The following LIMA1 variants were observed in gnomAD, a reference collection of about 807,000 sequenced individuals.
The protein encoded by LIMA1 is LIM domain and actin binding 1.
Under a neutral mutation model 62.6 loss-of-function variants are expected in LIMA1, and 52 were observed. The observed-to-expected ratio is 0.83, with a 90% CI of 0.67 to 1.05. The LOEUF is 1.05. LIMA1 is among the 50% of genes least tolerant of loss of function. The pLI is 0.00. For synonymous variants in LIMA1, 302 were observed against 317.8 expected, an observed-to-expected ratio of 0.95 and a Z score of 0.53; for missense variants, 780 against 902.2, an observed-to-expected ratio of 0.86 and a Z score of 1.74.
At chr12:50,248,850 T>TA in intron 1 of LIMA1, 76 bp from the exon 2 acceptor site, 2 of 776,332 alleles carry the variant, frequency 2.6e-6, no homozygotes, top group South Asian at 3.1e-5. Flanking sequence ...AGTGGTGTGG[T>TA]AGAGCCCTAA....
At chr12:50,281,880 T>C (rs1440197064) in intron 1 of LIMA1, among the ~76,000 whole-genome samples, 2 of 152,214 alleles carry the variant, frequency 1.3e-5, no homozygotes, top group African/African-American at 4.8e-5. Context: ...ACCTCTAGTA[T>C]AGAAATGACC....
At chr12:50,233,475 G>A (rs1189281303) in intron 2 of LIMA1, among the ~76,000 whole-genome samples, 1 of 152,170 alleles carries the variant, frequency 6.6e-6, no homozygotes, top group Non-Finnish European at 1.5e-5. Flanking sequence ...TTTAGTGTAA[G>A]TTATTGATAT....
intron 1 of LIMA1, among the ~76,000 whole-genome samples, chr12:50,254,330 T>C (rs1301468883): frequency 1.3e-5 from 2 of 152,204 alleles, no homozygotes; most frequent in African/African-American, 4.8e-5. Context: ...AGAAGGAAGA[T>C]GCCTTCAGTT....
intron 9 of LIMA1, among the ~76,000 whole-genome samples, chr12:50,192,169 C>T (rs894898902): frequency 7.3e-5 from 11 of 150,392 alleles, no homozygotes; most frequent in African/African-American, 2.4e-4. Context: ...AATAAATAAA[C>T]AAAAACAAAA....
At chr12:50,255,799 G>GT (rs892253718) in intron 1 of LIMA1, among the ~76,000 whole-genome samples, 8 of 151,294 alleles carry the variant, frequency 5.3e-5, no homozygotes, top group African/African-American at 1.9e-4. Context: ...GCTACATAAT[G>GT]TTTTTTCAGA....
At chr12:50,256,433 T>C (rs1941998486) in intron 1 of LIMA1, 1 of 152,210 alleles carries the variant, frequency 6.6e-6, no homozygotes, top group Admixed American at 6.5e-5. Context: ...CTTTATCTTA[T>C]ATTACCATAG....
At chr12:50,258,418 T>G (rs1942025011) in intron 1 of LIMA1, among the ~76,000 whole-genome samples, 1 of 151,932 alleles carries the variant, frequency 6.6e-6, no homozygotes, top group Non-Finnish European at 1.5e-5. Flanking sequence ...CACCTCAGCC[T>G]GCCAAGTAGC....
chr12:50,250,678 T>G (rs573251882), intron 1 of LIMA1, among the ~76,000 whole-genome samples: 1 of 152,204 alleles, frequency 6.6e-6, no homozygotes, highest in South Asian at 2.1e-4. Flanking sequence ...AATGAAATCC[T>G]TGTCGGAAAA....
At position 50,197,352 on chromosome 12, in the gene LIMA1, G is replaced by A. The variant is rs540984498; in HGVS notation, c.973-1465C>T. ...CCCAAAGTGCTAGGATTACAGGCGT[G>A]AGCCACCTCGCCAGGCACATGTCCT... is the stretch of plus-strand genomic sequence containing the variant. On this transcript the variant is annotated intron_variant, in intron 7 of 10. Coordinates refer to ENST00000341247, the MANE Select transcript of LIMA1 (RefSeq NM_016357.5). Among the ~76,000 whole-genome samples, 9 of 151,800 alleles carry A rather than the reference G, an allele frequency of 5.9e-5. No homozygotes were observed. In the South Asian group the frequency reaches 1.5e-3, roughly 25 times the overall value.
intron 9 of LIMA1, chr12:50,187,105 C>T (rs1323347462): frequency 6.6e-6 from 1 of 152,142 alleles, no homozygotes; most frequent in Non-Finnish European, 1.5e-5. Context: ...CTGTCTTTCC[C>T]GTTTGAGGGA....
chr12:50,222,486 C>G lies in LIMA1; in HGVS notation c.166-1G>C. The G allele has an allele frequency of 1.2e-6, 2 of 1,613,900 alleles. No homozygotes were observed. The highest frequency in any genetic ancestry group is 1.7e-6 in the Non-Finnish European group (2 of 1,179,920). On this transcript the variant is annotated splice_acceptor_variant, in intron 3 of 10. Coordinates refer to ENST00000341247, the MANE Select transcript of LIMA1 (RefSeq NM_016357.5). LOFTEE classifies it high-confidence loss of function. ...AGTGCTGGGAGAGATTTTCGGTGTT[C>G]TAGAAGAACAAGAAGTAGATGCCAG... is the stretch of plus-strand genomic sequence containing the variant.
At chr12:50,189,448 T>C (rs1940702736) in intron 9 of LIMA1, 1 of 152,212 alleles carries the variant, frequency 6.6e-6, no homozygotes, top group Non-Finnish European at 1.5e-5. Flanking sequence ...AAACTCATTC[T>C]ATTTATTGAG....
chr12:50,262,223 C>G (rs541556996), intron 1 of LIMA1, among the ~76,000 whole-genome samples: 1 of 151,928 alleles, frequency 6.6e-6, no homozygotes, highest in Non-Finnish European at 1.5e-5. Context: ...GTAACAAAGC[C>G]AAATAGTAAT....
At chr12:50,179,508 G>A (rs1940443508) in intron 10 of LIMA1, among the ~76,000 whole-genome samples, 1 of 150,292 alleles carries the variant, frequency 6.7e-6, no homozygotes, top group African/African-American at 2.5e-5. Context: ...CACGATCTCA[G>A]CTCACTGCAA....
At chr12:50,208,080 G>T (rs1941186132) in intron 4 of LIMA1, among the ~76,000 whole-genome samples, 1 of 152,050 alleles carries the variant, frequency 6.6e-6, no homozygotes, top group South Asian at 2.1e-4. Context: ...AGGCACAGTG[G>T]CTCAAGCTTA....
intron 2 of LIMA1, among the ~76,000 whole-genome samples, chr12:50,240,758 C>T (rs1941766449): frequency 6.6e-6 from 1 of 152,090 alleles, no homozygotes; most frequent in African/African-American, 2.4e-5. Context: ...TAGTTGTATG[C>T]ATTTAGAACT....
At chr12:50,224,895 CAT>C (rs1941503038) in intron 3 of LIMA1, among the ~76,000 whole-genome samples, 2 of 142,704 alleles carry the variant, frequency 1.4e-5, no homozygotes, top group African/African-American at 5.4e-5. Context: ...GCATGCCTGG[CAT>C]TTTTTTTTTT....
intron 2 of LIMA1, 95 bp downstream of exon 2, chr12:50,248,538 T>A: frequency 1.3e-6 from 1 of 780,848 alleles, no homozygotes; most frequent in Non-Finnish European, 2.2e-6. Flanking sequence ...CCAATAAAAT[T>A]ATTTTACATT....
At chr12:50,273,699 C>T (rs58176242) in intron 1 of LIMA1, among the ~76,000 whole-genome samples, 2,712 of 152,260 alleles carry the variant, frequency 0.018, 82 homozygotes, top group African/African-American at 0.061. Context: ...CTAATCAGTA[C>T]ACTGTCTAAA....
Sources: allele counts gnomAD v4.1 joint callset (sites outside exome capture counted in the v4.1 genomes callset), GRCh38; gene constraint gnomAD v4.1.1; transcripts MANE v1.5; gene names NCBI Gene and HGNC (gene_info 2026-07-23, HGNC 2026-07-21).